Variants in CNTN4 observed in about 807,000 individuals in gnomAD.
The protein encoded by CNTN4 is contactin 4.
A neutral mutation model predicts 122.5 loss-of-function variants in CNTN4; 77 were observed. The observed-to-expected ratio is 0.63, with a 90% CI of 0.52 to 0.76. CNTN4 has a LOEUF of 0.76. CNTN4 is among the 30% of genes least tolerant of loss of function. CNTN4 has a pLI of 0.00. For synonymous variants in CNTN4, 512 were observed against 447.0 expected, an observed-to-expected ratio of 1.15 and a Z score of -1.83; for missense variants, 1,256 against 1,259.1, an observed-to-expected ratio of 1.00 and a Z score of 0.04.
At chr3:2,775,569 A>G (rs911554143) in intron 6 of CNTN4, among the ~76,000 whole-genome samples, 1 of 152,002 alleles carries the variant, frequency 6.6e-6, no homozygotes, top group African/African-American at 2.4e-5. Flanking sequence ...ACAAGTGCGC[A>G]CCACCACAGC....
chr3:2,232,333 A>G (rs1390471740), intron 2 of CNTN4, among the ~76,000 whole-genome samples: 1 of 152,212 alleles, frequency 6.6e-6, no homozygotes, highest in Non-Finnish European at 1.5e-5. Context: ...ACAGTCAAGT[A>G]TCTCTAGCTG....
At chr3:2,431,043 C>A (rs972427383) in intron 3 of CNTN4, among the ~76,000 whole-genome samples, 7 of 152,122 alleles carry the variant, frequency 4.6e-5, no homozygotes, top group Non-Finnish European at 8.8e-5. Flanking sequence ...ATTCACCTAG[C>A]CTTTTTGTGG....
intron 2 of CNTN4, among the ~76,000 whole-genome samples, chr3:2,228,775 TGTGA>T (rs567332767): frequency 3.9e-5 from 6 of 152,090 alleles, no homozygotes; most frequent in African/African-American, 1.2e-4. Context: ...AAAACAACAT[TGTGA>T]GTATTTTGAG....
intron 4 of CNTN4, among the ~76,000 whole-genome samples, chr3:2,609,315 T>C (rs2081385128): frequency 6.6e-6 from 1 of 152,226 alleles, no homozygotes; most frequent in South Asian, 2.1e-4. Flanking sequence ...CCTTCTGCCT[T>C]CACCATGTGA....
chr3:2,613,788 C>G (rs1444230439), intron 4 of CNTN4, among the ~76,000 whole-genome samples: 2 of 151,976 alleles, frequency 1.3e-5, no homozygotes, highest in African/African-American at 4.8e-5. Flanking sequence ...TGATTGGGTG[C>G]TATAAAAGTC....
intron 2 of CNTN4, among the ~76,000 whole-genome samples, chr3:2,146,054 A>G (rs552144779): frequency 2.6e-5 from 4 of 151,656 alleles, no homozygotes; most frequent in Admixed American, 6.6e-5. Context: ...ACATAAATTT[A>G]GAAATCATTT....
intron 23 of CNTN4, among the ~76,000 whole-genome samples, chr3:3,051,151 G>T (rs1701224322): frequency 6.6e-6 from 1 of 152,178 alleles, no homozygotes; most frequent in African/African-American, 2.4e-5. Context: ...GTCCAGGGAA[G>T]CCAAAAGATT....
intron 2 of CNTN4, among the ~76,000 whole-genome samples, chr3:2,247,691 A>T (rs532087157): frequency 1.3e-5 from 2 of 152,144 alleles, no homozygotes; most frequent in South Asian, 4.1e-4. Flanking sequence ...TATACATATT[A>T]TTTGAGCGAC....
intron 3 of CNTN4, among the ~76,000 whole-genome samples, chr3:2,475,970 C>A (rs2075823753): frequency 6.6e-6 from 1 of 152,138 alleles, no homozygotes; most frequent in African/African-American, 2.4e-5. Context: ...TTCTTGAGGA[C>A]TGGTTTGTAG....
At chr3:2,895,957 C>T (rs926680856) in intron 10 of CNTN4, among the ~76,000 whole-genome samples, 1 of 152,094 alleles carries the variant, frequency 6.6e-6, no homozygotes, top group East Asian at 1.9e-4. Context: ...GGCGTGAACC[C>T]AGAAGGCAGA....
chr3:2,579,588 CTATCTGTGAGGATTGAGAACGTGCATA>C (rs2079846413), intron 4 of CNTN4, among the ~76,000 whole-genome samples: 1 of 151,910 alleles, frequency 6.6e-6, no homozygotes. Context: ...CTTCTTTAGG[CTATCTGTGAGGATTGAGAACGTGCATA>C]TATTCTTTGC....
intron 2 of CNTN4, among the ~76,000 whole-genome samples, chr3:2,317,856 G>A (rs560829986): frequency 6.6e-6 from 1 of 152,194 alleles, no homozygotes; most frequent in South Asian, 2.1e-4. Flanking sequence ...CTTTTTTTCT[G>A]AGAAGACTAA....
At chr3:2,532,051 C>A (rs893734923) in intron 3 of CNTN4, among the ~76,000 whole-genome samples, 1 of 152,192 alleles carries the variant, frequency 6.6e-6, no homozygotes, top group African/African-American at 2.4e-5. Context: ...GAGTAATTGA[C>A]TTCTTAACTC....
chr3:2,305,081 C>G (rs1464878302), intron 2 of CNTN4, among the ~76,000 whole-genome samples: 1 of 151,958 alleles, frequency 6.6e-6, no homozygotes, highest in Non-Finnish European at 1.5e-5. Context: ...CTGCTATGAC[C>G]TTTATATTCA....
At chr3:2,900,322 C>A (rs2094159016) in intron 10 of CNTN4, among the ~76,000 whole-genome samples, 1 of 151,786 alleles carries the variant, frequency 6.6e-6, no homozygotes, top group Non-Finnish European at 1.5e-5. Flanking sequence ...GTAGTGCCTA[C>A]CTGGAAATAT....
intron 3 of CNTN4, among the ~76,000 whole-genome samples, chr3:2,475,582 A>G (rs1559587535): frequency 6.6e-6 from 1 of 152,190 alleles, no homozygotes; most frequent in South Asian, 2.1e-4. Flanking sequence ...ATCTTCCTGT[A>G]TACATTCCCT....
chr3:2,548,477 A>T (rs755869747), intron 3 of CNTN4, among the ~76,000 whole-genome samples: 51 of 152,236 alleles, frequency 3.4e-4, no homozygotes, highest in Admixed American at 5.2e-4. Context: ...CAAAGATCAC[A>T]TGGTTGTAGA....
chr3:2,337,963 A>C (rs956984821), intron 2 of CNTN4, among the ~76,000 whole-genome samples: 2 of 152,048 alleles, frequency 1.3e-5, no homozygotes, highest in Non-Finnish European at 2.9e-5. Context: ...ATACATACTA[A>C]ACTTTTGTAG....
intron 2 of CNTN4, among the ~76,000 whole-genome samples, chr3:2,322,012 T>C (rs1399734389): frequency 1.3e-5 from 2 of 152,206 alleles, no homozygotes; most frequent in African/African-American, 4.8e-5. Flanking sequence ...TTATTTATTT[T>C]ATGTGCTTTG....
Sources: gnomAD v4.1 joint callset for allele counts (sites outside exome capture counted in the v4.1 genomes callset) on GRCh38, gnomAD v4.1.1 for gene constraint, MANE v1.5 for transcripts, NCBI Gene and HGNC (gene_info 2026-07-23, HGNC 2026-07-21) for gene names.